MRLN: variants seen among roughly 807,000 people sequenced by gnomAD.
The protein encoded by MRLN is Linc-RNA activator of myogenesis.
At chr10:59,746,754 GC>G (rs1423658754) in intron 1 of MRLN, among the ~76,000 whole-genome samples, 1 of 152,204 alleles carries the variant, frequency 6.6e-6, no homozygotes, top group Non-Finnish European at 1.5e-5. Context: ...ATGGGACATT[GC>G]CCAGATCACA....
At chr10:59,743,958 C>A (rs1378298468) in intron 1 of MRLN, among the ~76,000 whole-genome samples, 2 of 152,244 alleles carry the variant, frequency 1.3e-5, no homozygotes, top group Non-Finnish European at 2.9e-5. Flanking sequence ...GTCTGGCTCA[C>A]TCAGTGCTCA....
intron 1 of MRLN, among the ~76,000 whole-genome samples, chr10:59,747,182 T>G (rs1841051817): frequency 6.6e-6 from 1 of 152,248 alleles, no homozygotes; most frequent in African/African-American, 2.4e-5. Context: ...TTTTAACCAC[T>G]TGTTACCTTA....
At chr10:59,738,895 G>A (rs1840951240) in intron 1 of MRLN, 2 of 152,154 alleles carry the variant, frequency 1.3e-5, no homozygotes, top group South Asian at 4.1e-4. Flanking sequence ...GCCAAAGCGG[G>A]CAGATCACAA....
intron 1 of MRLN, among the ~76,000 whole-genome samples, chr10:59,752,230 T>C (rs1230204378): frequency 6.6e-6 from 1 of 152,242 alleles, no homozygotes; most frequent in Admixed American, 6.5e-5. Flanking sequence ...TTTAAATTCA[T>C]GTTTCCCATC....
chr10:59,743,863 G>A (rs1038066683), intron 1 of MRLN, among the ~76,000 whole-genome samples: 3 of 152,110 alleles, frequency 2.0e-5, no homozygotes, highest in African/African-American at 4.8e-5. Context: ...ACGGGGTTTC[G>A]CCATGTTGGC....
intron 1 of MRLN, among the ~76,000 whole-genome samples, chr10:59,751,062 A>G (rs922819159): frequency 6.6e-6 from 1 of 152,156 alleles, no homozygotes; most frequent in Admixed American, 6.5e-5. Context: ...GGCCTGCAAC[A>G]CACACTCCTT....
chr10:59,751,899 T>C (rs1333189270), intron 1 of MRLN, among the ~76,000 whole-genome samples: 1 of 152,214 alleles, frequency 6.6e-6, no homozygotes, highest in African/African-American at 2.4e-5. Flanking sequence ...ACAATCCTTC[T>C]TTCTGTCTTA....
intron 1 of MRLN, among the ~76,000 whole-genome samples, chr10:59,748,843 C>A (rs891800939): frequency 2.6e-5 from 4 of 152,146 alleles, no homozygotes; most frequent in African/African-American, 9.7e-5. Context: ...TCTTTGATTC[C>A]AGCCCATGTA....
intron 1 of MRLN, among the ~76,000 whole-genome samples, chr10:59,745,033 T>A (rs1167719879): frequency 6.6e-6 from 1 of 152,106 alleles, no homozygotes; most frequent in East Asian, 1.9e-4. Context: ...GTTTATCTGC[T>A]GACCTTCCCT....
At chr10:59,749,067 C>A (rs1278768475) in intron 1 of MRLN, among the ~76,000 whole-genome samples, 2 of 152,218 alleles carry the variant, frequency 1.3e-5, no homozygotes, top group East Asian at 1.9e-4. Context: ...CCACTATTAA[C>A]TCTGCAGCCT....
At chr10:59,745,403 C>A (rs1357439595) in intron 1 of MRLN, among the ~76,000 whole-genome samples, 1 of 151,930 alleles carries the variant, frequency 6.6e-6, no homozygotes, top group Non-Finnish European at 1.5e-5. Flanking sequence ...AATGACATGA[C>A]CTTCCATTTC....
intron 1 of MRLN, among the ~76,000 whole-genome samples, chr10:59,751,161 T>G (rs569080935): frequency 6.6e-6 from 1 of 152,336 alleles, no homozygotes; most frequent in Non-Finnish European, 1.5e-5. Context: ...GAGTCAAGTT[T>G]AGCTGAAAAT....
chr10:59,738,599 T>C (rs535522485), intron 1 of MRLN, 37 bp from the exon 2 acceptor site: 66 of 152,230 alleles, frequency 4.3e-4, no homozygotes, highest in African/African-American at 1.5e-3. Flanking sequence ...TACTGGACAG[T>C]GAGGTAGTGT....
intron 1 of MRLN, among the ~76,000 whole-genome samples, chr10:59,752,631 T>C (rs1391158891): frequency 6.6e-6 from 1 of 152,222 alleles, no homozygotes; most frequent in Non-Finnish European, 1.5e-5. Flanking sequence ...GAAAGCTATA[T>C]TAGTCTGTGG....
chr10:59,741,417 C>T (rs1018333597), intron 1 of MRLN, among the ~76,000 whole-genome samples: 1 of 152,036 alleles, frequency 6.6e-6, no homozygotes, highest in Non-Finnish European at 1.5e-5. Context: ...GTATCTCACT[C>T]TGTCACCTAG....
At chr10:59,744,613 C>T (rs542317775) in intron 1 of MRLN, among the ~76,000 whole-genome samples, 24 of 152,274 alleles carry the variant, frequency 1.6e-4, no homozygotes, top group Admixed American at 2.6e-4. Context: ...GGAGGTGTAC[C>T]CAACAGCTCA....
chr10:59,752,894 A>T (rs1039560288), intron 1 of MRLN, among the ~76,000 whole-genome samples: 9 of 152,072 alleles, frequency 5.9e-5, no homozygotes, highest in Admixed American at 5.9e-4. Flanking sequence ...AACAAGGGGG[A>T]AAAAAACAAA....
At chr10:59,747,382 A>G (rs1466522435) in intron 1 of MRLN, among the ~76,000 whole-genome samples, 1 of 152,232 alleles carries the variant, frequency 6.6e-6, no homozygotes, top group Non-Finnish European at 1.5e-5. Context: ...TGGCACTTCC[A>G]TAAAGTGGGG....
At chr10:59,744,650 C>T (rs1025323386) in intron 1 of MRLN, among the ~76,000 whole-genome samples, 6 of 152,140 alleles carry the variant, frequency 3.9e-5, no homozygotes, top group Non-Finnish European at 7.4e-5. Flanking sequence ...ATGAAGATGG[C>T]GGTTTTGTCG....
Sources: gnomAD v4.1 joint callset for allele counts (sites outside exome capture counted in the v4.1 genomes callset) on GRCh38, gnomAD v4.1.1 for gene constraint, MANE v1.5 for transcripts, NCBI Gene and HGNC (gene_info 2026-07-23, HGNC 2026-07-21) for gene names.